Variants in HEATR9 observed in about 807,000 individuals in gnomAD.
HEATR9 encodes the protein protein HEATR9.
Under a neutral mutation model 68.2 loss-of-function variants are expected in HEATR9, and 54 were observed. That is an observed-to-expected ratio of 0.79 (90% confidence interval 0.64 to 0.99). The LOEUF (loss-of-function observed/expected upper bound fraction) is 0.99. HEATR9 is among the 50% of genes least tolerant of loss of function. HEATR9 has a pLI of 0.00. For synonymous variants in HEATR9, 241 were observed against 253.5 expected (o/e 0.95, Z 0.47); for missense variants, 662 against 679.7 (o/e 0.97, Z 0.29).
intron 8 of HEATR9, among the ~76,000 whole-genome samples, chr17:35,860,877 C>T (rs2087963962): frequency 6.6e-6 from 1 of 151,730 alleles, no homozygotes; most frequent in Non-Finnish European, 1.5e-5. Context: ...AACCTCGTCT[C>T]TATTAAAAAT....
chr17:35,865,119 A>T, intron 3 of HEATR9, 96 bp downstream of exon 3: 1 of 1,429,892 alleles, frequency 7.0e-7, no homozygotes, highest in Non-Finnish European at 9.6e-7. Flanking sequence ...CTGTAGGCTG[A>T]CTTGCCTTAC....
intron 8 of HEATR9, among the ~76,000 whole-genome samples, chr17:35,859,954 T>C (rs1483095490): frequency 6.6e-6 from 1 of 152,216 alleles, no homozygotes; most frequent in East Asian, 1.9e-4. Flanking sequence ...CTCCTATGAC[T>C]ACTTTTGTCC....
At chr17:35,860,262 G>A (rs1459104093) in intron 8 of HEATR9, among the ~76,000 whole-genome samples, 5 of 149,902 alleles carry the variant, frequency 3.3e-5, no homozygotes, top group Non-Finnish European at 7.4e-5. Flanking sequence ...CGCAGTGGCA[G>A]CCGCCTGTAG....
intron 3 of HEATR9, 90 bp from the exon 4 acceptor site, chr17:35,864,980 A>G: frequency 6.5e-7 from 1 of 1,534,078 alleles, no homozygotes; most frequent in Non-Finnish European, 9.0e-7. Context: ...GCTACAGCCC[A>G]GCTCAGATAT....
rs1231464124 is a variant in HEATR9 at position 35,856,714 on chromosome 17, A to G, written c.1226+18T>C. On this transcript the variant is annotated intron_variant, in intron 12 of 14. Transcript: ENST00000604834. ...CCACAGCCTAGGATTTGGCCCTGGC[A>G]GCTCCCAGGCCACTCACGCCTCCAC... The G allele has an allele frequency of 2.5e-6, 4 of 1,590,616 alleles. No homozygotes were observed. The East Asian group carries it at 6.7e-5, about 27-fold the overall frequency.
At chr17:35,866,219 G>A (rs1358745291) in intron 2 of HEATR9, among the ~76,000 whole-genome samples, 1 of 151,514 alleles carries the variant, frequency 6.6e-6, no homozygotes, top group Non-Finnish European at 1.5e-5. Context: ...ACAGTGAGTA[G>A]GGTTGCAGAT....
At chr17:35,865,955 A>C (rs1222494080) in intron 2 of HEATR9, among the ~76,000 whole-genome samples, 2 of 152,228 alleles carry the variant, frequency 1.3e-5, no homozygotes, top group Admixed American at 1.3e-4. Context: ...CTTTCTTAAA[A>C]TAATCTATCA....
chr17:35,863,429 C>G, intron 7 of HEATR9, 73 bp downstream of exon 7: 1 of 1,469,268 alleles, frequency 6.8e-7, no homozygotes, highest in Non-Finnish European at 9.5e-7. Flanking sequence ...TGCTCCTCAC[C>G]CATTTGTCCT....
chr17:35,855,136 C>T lies in HEATR9; in HGVS notation c.1640G>A (p.Arg547Lys). The T allele has an allele frequency of 1.2e-6, 2 of 1,614,128 alleles. No individual in the cohort carries two copies. The highest frequency in any genetic ancestry group is 1.7e-6 in the Non-Finnish European group (2 of 1,180,026). ...CTGCCAGGGCCCTATGACCTGTGGC[C>T]TATGTTTTCGTGGTTTCGAGCAGCA... ...PPCCSKPRKH[R>K]PQVIGPWQPR... Residue 547 changes from arginine to lysine, a missense_variant, in exon 15 of 15, where the codon AGG (arginine) becomes AAG (lysine). Physicochemically the swap from Arg to Lys is conservative, Grantham distance 26. Coordinates refer to ENST00000604834, the MANE Select transcript of HEATR9 (RefSeq NM_152781.4).
chr17:35,866,629 A>G, intron 2 of HEATR9, 95 bp downstream of exon 2: 1 of 1,184,784 alleles, frequency 8.4e-7, no homozygotes, highest in South Asian at 1.2e-5. Flanking sequence ...GGTAAATGTC[A>G]GGGTTCTGTG....
In HEATR9 at chr17:35,864,079, G is replaced by A. The variant is rs531872153; in HGVS notation, c.567+167C>T. On this transcript the variant is annotated intron_variant, in intron 6 of 14. Coordinates refer to ENST00000604834, the MANE Select transcript of HEATR9 (RefSeq NM_152781.4). ...TATCTTTTAGATCCAGCTGCTCTTCGAAGAGGCCAAGGACATGGGATGGGT... is the reference window on the plus strand; with the variant it reads ...TATCTTTTAGATCCAGCTGCTCTTCAAAGAGGCCAAGGACATGGGATGGGT... 3.5e-5 allele frequency: 21 copies of A among 598,836 alleles called. No individual in the cohort carries two copies. In the East Asian group the frequency reaches 4.6e-4, roughly 13 times the overall value. The allele number at this position is 598,836 out of a possible 1,614,324, so 37.1% of individuals were successfully genotyped here.
intron 13 of HEATR9, 70 bp from the exon 14 acceptor site, chr17:35,855,820 T>C (rs1488620515): frequency 7.6e-7 from 1 of 1,309,264 alleles, no homozygotes; most frequent in Non-Finnish European, 1.1e-6. Flanking sequence ...TTTCCCATTC[T>C]AGCCCCTTTG....
At chr17:35,855,864 G>C (rs1354250178) in intron 13 of HEATR9, 114 bp from the exon 14 acceptor site, 2 of 891,672 alleles carry the variant, frequency 2.2e-6, no homozygotes, top group Non-Finnish European at 3.6e-6. Context: ...GGGGAGATAG[G>C]GTTTCCCAGC....
chr17:35,861,741 G>A (rs1363708034), intron 8 of HEATR9, among the ~76,000 whole-genome samples: 1 of 152,044 alleles, frequency 6.6e-6, no homozygotes, highest in Admixed American at 6.5e-5. Context: ...CCTGTCTACT[G>A]TATTTAACAT....
chr17:35,856,887 A>G, intron 11 of HEATR9, 82 bp from the exon 12 acceptor site: 1 of 1,286,774 alleles, frequency 7.8e-7, no homozygotes. Context: ...TTTACTGAAC[A>G]TTTCCTTTGT....
intron 9 of HEATR9, 130 bp downstream of exon 9, chr17:35,858,755 CATA>C: frequency 9.8e-7 from 1 of 1,015,234 alleles, no homozygotes; most frequent in South Asian, 1.5e-5. Context: ...ACCCCATACT[CATA>C]CATGGACATA....
chr17:35,863,046 CAA>C lies in HEATR9; in HGVS notation c.703_704del (p.Leu235AspfsTer8). 1.2e-6 allele frequency: 2 copies of C among 1,614,240 alleles called. No individual in the cohort carries two copies. The highest frequency in any genetic ancestry group is 1.7e-6 in the Non-Finnish European group (2 of 1,180,042). ...AGTTAAGAGCCATTCGTAGCCCCGT[CAA>C]AGTCTCCATCCTTTGACCCTCATTT... ...EKNEGQRMET[L>X]TGLRMALNSW... On this transcript the variant is annotated frameshift_variant, in exon 8 of 15. Transcript: ENST00000604834. LOFTEE classifies it high-confidence loss of function.
At position 35,861,661 on chromosome 17, in the gene HEATR9, A is replaced by G. The variant is rs1170613421; in HGVS notation, c.756+1334T>C. On this transcript the variant is annotated intron_variant, in intron 8 of 14. Transcript: ENST00000604834. ...TTCTGCCTGGAATGTCTTCTCTCAGATATCTGTAAGGCTAACCCACTCACT... is the reference window on the plus strand; with the variant it reads ...TTCTGCCTGGAATGTCTTCTCTCAGGTATCTGTAAGGCTAACCCACTCACT... The G allele has an allele frequency of 1.0e-5, 6 of 575,902 alleles. No homozygotes were observed. In the East Asian group the frequency reaches 1.5e-4, roughly 14 times the overall value. The allele number at this position is 575,902 out of a possible 1,614,324, so 35.7% of individuals were successfully genotyped here.
chr17:35,856,903 G>T, intron 11 of HEATR9, 98 bp from the exon 12 acceptor site: 1 of 1,119,774 alleles, frequency 8.9e-7, no homozygotes, highest in Non-Finnish European at 1.3e-6. Flanking sequence ...TTTGTGCTAT[G>T]TAGAGTCCCT....
Sources: gnomAD v4.1 joint callset for allele counts (sites outside exome capture counted in the v4.1 genomes callset) on GRCh38, gnomAD v4.1.1 for gene constraint, MANE v1.5 for transcripts, NCBI Gene and HGNC (gene_info 2026-07-23, HGNC 2026-07-21) for gene names.